The following THADA variants were observed in gnomAD, a reference collection of about 807,000 sequenced individuals.
THADA encodes the protein THADA armadillo repeat containing, also known as tRNA (32-2'-O)-methyltransferase regulator THADA.
Under a neutral mutation model 219.8 loss-of-function variants are expected in THADA, and 213 were observed. The ratio of observed to expected loss-of-function variants is 0.97; its 90% CI spans 0.87 to 1.09. The LOEUF (loss-of-function observed/expected upper bound fraction) is 1.09. THADA is among the 50% of genes least tolerant of loss of function. THADA has a pLI of 0.00. For synonymous variants in THADA, 1,018 were observed against 828.9 expected, an observed-to-expected ratio of 1.23 and a Z score of -3.92; for missense variants, 2,956 against 2,311.3, an observed-to-expected ratio of 1.28 and a Z score of -5.72.
intron 25 of THADA, among the ~76,000 whole-genome samples, chr2:43,493,594 T>C (rs949741112): frequency 6.6e-6 from 1 of 152,164 alleles, no homozygotes; most frequent in African/African-American, 2.4e-5. Context: ...GAATTGCCTG[T>C]TCTGCAATGA....
At chr2:43,350,772 T>A (rs1289760790) in intron 29 of THADA, among the ~76,000 whole-genome samples, 2 of 152,240 alleles carry the variant, frequency 1.3e-5, no homozygotes, top group East Asian at 3.8e-4. Context: ...AAGCATTTCA[T>A]GTGGTTGCTT....
intron 9 of THADA, among the ~76,000 whole-genome samples, chr2:43,577,601 C>T (rs1007793902): frequency 1.3e-5 from 2 of 151,258 alleles, no homozygotes; most frequent in African/African-American, 4.9e-5. Flanking sequence ...AAGATAATTA[C>T]TTTGTGTGAT....
chr2:43,321,234 A>G (rs763910069), intron 30 of THADA, among the ~76,000 whole-genome samples: 61 of 152,208 alleles, frequency 4.0e-4, no homozygotes, highest in Non-Finnish European at 7.2e-4. Context: ...GTCTTTGGCC[A>G]TGAAAAGGCC....
chr2:43,415,523 G>A (rs747156192), intron 28 of THADA, among the ~76,000 whole-genome samples: 6 of 152,114 alleles, frequency 3.9e-5, no homozygotes, highest in Admixed American at 2.0e-4. Flanking sequence ...TAACAATGTC[G>A]TGGACTGGTT....
intron 17 of THADA, 82 bp downstream of exon 17, chr2:43,556,263 A>G (rs775155226): frequency 7.1e-6 from 11 of 1,543,100 alleles, no homozygotes; most frequent in Admixed American, 4.1e-5. Flanking sequence ...CACAAAATAT[A>G]TGTTTAACCA....
At chr2:43,239,480 A>G (rs10203499) in intron 36 of THADA, among the ~76,000 whole-genome samples, 3 of 152,318 alleles carry the variant, frequency 2.0e-5, no homozygotes, top group Admixed American at 2.0e-4. Context: ...ATTAATTTCT[A>G]GGCAGGTAGA....
At chr2:43,382,765 G>C (rs1029010193) in intron 29 of THADA, among the ~76,000 whole-genome samples, 81 of 152,270 alleles carry the variant, frequency 5.3e-4, no homozygotes, top group Middle Eastern at 3.4e-3. Context: ...AGGAGCTTTT[G>C]ACACACTGCT....
intron 24 of THADA, among the ~76,000 whole-genome samples, chr2:43,503,533 G>C (rs1051501195): frequency 6.6e-6 from 1 of 152,154 alleles, no homozygotes; most frequent in Non-Finnish European, 1.5e-5. Context: ...TATAACTGAG[G>C]AGGAATAAAC....
chr2:43,340,068 G>A (rs1325208761), intron 30 of THADA, among the ~76,000 whole-genome samples: 1 of 152,086 alleles, frequency 6.6e-6, no homozygotes. Context: ...CCTACTAGAC[G>A]GCTACTCTCA....
intron 31 of THADA, among the ~76,000 whole-genome samples, chr2:43,293,459 C>G (rs1288737248): frequency 1.3e-5 from 2 of 152,102 alleles, no homozygotes; most frequent in South Asian, 2.1e-4. Context: ...AAAATGCGTT[C>G]CTGGCACCCC....
chr2:43,237,691 G>A (rs1023907321), intron 36 of THADA, among the ~76,000 whole-genome samples: 2 of 151,770 alleles, frequency 1.3e-5, no homozygotes, highest in Admixed American at 6.6e-5. Context: ...GAGCCACCAC[G>A]CCCGGCCTTG....
intron 21 of THADA, among the ~76,000 whole-genome samples, chr2:43,532,108 AGT>A (rs1693951350): frequency 6.7e-6 from 1 of 149,118 alleles, no homozygotes; most frequent in Admixed American, 6.6e-5. Context: ...AGAAATGAAA[AGT>A]GTAAAAAAAA....
chr2:43,452,499 GT>G (rs1682467880), intron 26 of THADA, among the ~76,000 whole-genome samples: 1 of 151,974 alleles, frequency 6.6e-6, no homozygotes, highest in Admixed American at 6.6e-5. Flanking sequence ...ACATTCCAAG[GT>G]TTCTATTTTA....
intron 29 of THADA, among the ~76,000 whole-genome samples, chr2:43,383,155 T>C (rs1189099933): frequency 6.6e-6 from 1 of 152,070 alleles, no homozygotes; most frequent in African/African-American, 2.4e-5. Flanking sequence ...AATGTACATT[T>C]TGAAAAAGAA....
At chr2:43,545,853 T>C (rs902266005) in intron 20 of THADA, among the ~76,000 whole-genome samples, 4 of 152,142 alleles carry the variant, frequency 2.6e-5, no homozygotes, top group Admixed American at 1.3e-4. Context: ...TTTTGAAGGG[T>C]TTTTTGTGTC....
intron 36 of THADA, among the ~76,000 whole-genome samples, chr2:43,260,873 T>C (rs935995636): frequency 6.6e-6 from 1 of 152,250 alleles, no homozygotes; most frequent in Admixed American, 6.5e-5. Context: ...TTTATACCTA[T>C]ACAAACTTTT....
intron 24 of THADA, among the ~76,000 whole-genome samples, chr2:43,502,493 G>A (rs1194838549): frequency 6.6e-6 from 1 of 150,594 alleles, no homozygotes; most frequent in Admixed American, 6.6e-5. Context: ...GCTGAGGCAG[G>A]AGAATCGCTT....
chr2:43,382,829 T>G (rs1343238437), intron 29 of THADA, among the ~76,000 whole-genome samples: 1 of 152,162 alleles, frequency 6.6e-6, no homozygotes. Context: ...TTTAGAAGAT[T>G]TAAGTAACAC....
chr2:43,297,696 G>A (rs1181911819), intron 31 of THADA, among the ~76,000 whole-genome samples: 2 of 121,942 alleles, frequency 1.6e-5, no homozygotes, highest in East Asian at 2.2e-4. Context: ...CCCTCAGCCC[G>A]GCCAGCCACC....
Sources: allele counts gnomAD v4.1 joint callset (sites outside exome capture counted in the v4.1 genomes callset), GRCh38; gene constraint gnomAD v4.1.1; transcripts MANE v1.5; gene names NCBI Gene and HGNC (gene_info 2026-07-23, HGNC 2026-07-21).